The following CDH12 variants were observed in gnomAD, a reference collection of about 807,000 sequenced individuals.
CDH12 encodes the protein cadherin 12, also known as cadherin-12.
A neutral mutation model predicts 74.1 loss-of-function variants in CDH12; 41 were observed. That is an observed-to-expected ratio of 0.55 (90% CI 0.43 to 0.72). CDH12 has a LOEUF of 0.72. Ranked by LOEUF, CDH12 falls within the 30% of genes least tolerant of loss-of-function variation. The pLI is 0.00. For missense variants in CDH12, 945 were observed against 977.2 expected (o/e 0.97, Z 0.44); for synonymous variants, 399 against 355.0 (o/e 1.12, Z -1.39).
intron 4 of CDH12, among the ~76,000 whole-genome samples, chr5:22,162,959 C>T (rs1423502629): frequency 7.1e-6 from 1 of 141,234 alleles, no homozygotes; most frequent in African/African-American, 2.6e-5. Flanking sequence ...TGCAGTGGCG[C>T]GATCTCTGCT....
chr5:21,818,519 C>A (rs1748189917), intron 8 of CDH12, among the ~76,000 whole-genome samples: 1 of 151,794 alleles, frequency 6.6e-6, no homozygotes, highest in Non-Finnish European at 1.5e-5. Context: ...GTTAAATCTC[C>A]CTTCTTCCCT....
At chr5:22,762,647 G>T (rs2127058262) in intron 1 of CDH12, among the ~76,000 whole-genome samples, 1 of 152,074 alleles carries the variant, frequency 6.6e-6, no homozygotes, top group South Asian at 2.1e-4. Flanking sequence ...GGGTCAAATT[G>T]ACTTAATCAT....
At chr5:22,029,091 C>A (rs899348971) in intron 5 of CDH12, among the ~76,000 whole-genome samples, 15 of 152,156 alleles carry the variant, frequency 9.9e-5, no homozygotes, top group African/African-American at 1.9e-4. Context: ...CCCTTCCATA[C>A]ACCTTTAACA....
chr5:21,993,556 A>G (rs1336630560), intron 5 of CDH12, among the ~76,000 whole-genome samples: 2 of 152,218 alleles, frequency 1.3e-5, no homozygotes, highest in African/African-American at 4.8e-5. Context: ...AACCTGCAGG[A>G]GTTGAACTAC....
chr5:22,752,048 T>C (rs1745606293), intron 1 of CDH12, among the ~76,000 whole-genome samples: 1 of 152,180 alleles, frequency 6.6e-6, no homozygotes, highest in African/African-American at 2.4e-5. Flanking sequence ...AGTGTGGAGA[T>C]GTTCTAGAGA....
chr5:22,552,516 C>T (rs575767983), intron 1 of CDH12, among the ~76,000 whole-genome samples: 5 of 151,928 alleles, frequency 3.3e-5, no homozygotes, highest in African/African-American at 1.2e-4. Flanking sequence ...GCAACCTCTG[C>T]CTCCTGGGTT....
chr5:22,514,755 T>C (rs535310065), intron 1 of CDH12, among the ~76,000 whole-genome samples: 24 of 152,202 alleles, frequency 1.6e-4, no homozygotes, highest in African/African-American at 5.3e-4. Context: ...CCTTAGAAAA[T>C]AACTCACAAC....
intron 1 of CDH12, among the ~76,000 whole-genome samples, chr5:22,845,050 T>C (rs1273008021): frequency 6.6e-6 from 1 of 152,124 alleles, no homozygotes; most frequent in African/African-American, 2.4e-5. Flanking sequence ...TTTATTTTAA[T>C]TGTAGACAAC....
chr5:21,806,004 T>G (rs907354068), intron 9 of CDH12, among the ~76,000 whole-genome samples: 6 of 152,104 alleles, frequency 3.9e-5, no homozygotes, highest in Non-Finnish European at 7.3e-5. Context: ...GGAAGACTAG[T>G]GGCACCAGAA....
chr5:22,126,309 C>T (rs1041937108), intron 4 of CDH12, among the ~76,000 whole-genome samples: 2 of 152,140 alleles, frequency 1.3e-5, no homozygotes, highest in African/African-American at 4.8e-5. Context: ...AGTGGCCCTT[C>T]TGTCCTGTAG....
chr5:22,350,445 T>C lies in CDH12; in HGVS notation c.-333+54812A>G, dbSNP rs1239115704. On this transcript the variant is annotated intron_variant, in intron 3 of 14. Transcript: ENST00000382254. ...TAGGAAGTAAATCCATCAGGAAAAG[T>C]TATTGAAGGAAACCAGTAAGTGTTA... Among the ~76,000 whole-genome samples, 3 of 152,306 alleles carry C rather than the reference T, an allele frequency of 2.0e-5. No individual in the cohort carries two copies. In the South Asian group the frequency reaches 6.2e-4, roughly 32 times the overall value.
At chr5:21,786,303 GC>G (rs1561183947) in intron 10 of CDH12, among the ~76,000 whole-genome samples, 1 of 152,092 alleles carries the variant, frequency 6.6e-6, no homozygotes, top group Non-Finnish European at 1.5e-5. Context: ...ACAGGTGCAT[GC>G]CACTACGCCT....
At chr5:22,771,279 T>C (rs1047002777) in intron 1 of CDH12, among the ~76,000 whole-genome samples, 4 of 152,094 alleles carry the variant, frequency 2.6e-5, no homozygotes, top group Admixed American at 6.6e-5. Flanking sequence ...GTCTCCCTTA[T>C]TGCAGCAAGT....
rs550513163 is a variant in CDH12, at chr5:22,248,674, G to A, written c.-332-36031C>T. Among the ~76,000 whole-genome samples, 5 of 152,194 alleles carry A rather than the reference G, an allele frequency of 3.3e-5. No individual in the cohort carries two copies. In the South Asian group the frequency reaches 8.3e-4, roughly 25 times the overall value. On this transcript the variant is annotated intron_variant, in intron 3 of 14. Transcript: ENST00000382254. ...ATCCTTATTTTGAAATCACAGTTTCGTTGTATTTGCTGATAAAACCTATCC... is the reference window on the plus strand; with the variant it reads ...ATCCTTATTTTGAAATCACAGTTTCATTGTATTTGCTGATAAAACCTATCC...
intron 2 of CDH12, among the ~76,000 whole-genome samples, chr5:22,447,517 G>C (rs1561411201): frequency 6.6e-6 from 1 of 151,948 alleles, no homozygotes; most frequent in Non-Finnish European, 1.5e-5. Context: ...CAGTAACACA[G>C]GAAGGAAACT....
chr5:22,365,908 T>C (rs1158108512), intron 3 of CDH12, among the ~76,000 whole-genome samples: 1 of 152,192 alleles, frequency 6.6e-6, no homozygotes, highest in African/African-American at 2.4e-5. Context: ...ATCCAGTGAA[T>C]ATTTTTCAAT....
At chr5:22,697,820 C>A (rs1461792325) in intron 1 of CDH12, among the ~76,000 whole-genome samples, 1 of 151,926 alleles carries the variant, frequency 6.6e-6, no homozygotes, top group African/African-American at 2.4e-5. Flanking sequence ...AACTGGTATT[C>A]TCATAAGAAA....
chr5:22,072,464 T>C (rs1742007000), intron 5 of CDH12, among the ~76,000 whole-genome samples: 1 of 152,086 alleles, frequency 6.6e-6, no homozygotes, highest in Admixed American at 6.6e-5. Flanking sequence ...GATGATTTTC[T>C]TGAATTCTTC....
chr5:21,941,454 A>C (rs1385895610), intron 6 of CDH12, among the ~76,000 whole-genome samples: 1 of 152,054 alleles, frequency 6.6e-6, no homozygotes. Flanking sequence ...AAATGAGCCC[A>C]GATGTTTCAA....
Sources: gnomAD v4.1 joint callset for allele counts (sites outside exome capture counted in the v4.1 genomes callset) on GRCh38, gnomAD v4.1.1 for gene constraint, MANE v1.5 for transcripts, NCBI Gene and HGNC (gene_info 2026-07-23, HGNC 2026-07-21) for gene names.